GRIA4: variants seen among roughly 807,000 people sequenced by gnomAD.
GRIA4 encodes the protein glutamate ionotropic receptor AMPA type subunit 4, also known as glutamate receptor 4.
In GRIA4, 34 loss-of-function variants were observed where a neutral mutation model predicts 104.0. The observed-to-expected ratio is 0.33, with a 90% CI of 0.25 to 0.44. The LOEUF (loss-of-function observed/expected upper bound fraction) is 0.44, where lower values mean the gene tolerates loss of function less well. GRIA4 is among the 20% of genes least tolerant of loss of function. The pLI is 1.00. For synonymous variants in GRIA4, 386 were observed against 381.9 expected, an observed-to-expected ratio of 1.01 and a Z score of -0.13; for missense variants, 750 against 1,096.5, an observed-to-expected ratio of 0.68 and a Z score of 4.46.
chr11:105,743,803 A>G (rs1487369269), intron 3 of GRIA4, among the ~76,000 whole-genome samples: 1 of 152,142 alleles, frequency 6.6e-6, no homozygotes, highest in Non-Finnish European at 1.5e-5. Flanking sequence ...TTCATTCAAG[A>G]TACAAACAAG....
intron 4 of GRIA4, among the ~76,000 whole-genome samples, chr11:105,812,246 C>A (rs930172781): frequency 1.3e-5 from 2 of 152,194 alleles, no homozygotes; most frequent in African/African-American, 4.8e-5. Context: ...TTCTCAATTT[C>A]TACCTGTGTG....
At chr11:105,901,629 C>T (rs1014953551) in intron 7 of GRIA4, among the ~76,000 whole-genome samples, 2 of 152,022 alleles carry the variant, frequency 1.3e-5, no homozygotes, top group Admixed American at 6.5e-5. Context: ...TTTTTCTTTC[C>T]GTCTATCAGC....
At chr11:105,664,936 C>A (rs1490698794) in intron 3 of GRIA4, among the ~76,000 whole-genome samples, 1 of 151,786 alleles carries the variant, frequency 6.6e-6, no homozygotes, top group Non-Finnish European at 1.5e-5. Context: ...AAAGAATAAG[C>A]AATTATAAGA....
At chr11:105,620,498 A>C (rs1950714615) in intron 3 of GRIA4, among the ~76,000 whole-genome samples, 1 of 151,814 alleles carries the variant, frequency 6.6e-6, no homozygotes, top group African/African-American at 2.4e-5. Flanking sequence ...TATTGACAAA[A>C]TACCCAACAT....
At position 105,924,602 on chromosome 11, in the gene GRIA4, G is replaced by T. The variant is rs989600672; in HGVS notation, c.1680G>T (p.Val560=). 3.1e-6 allele frequency: 5 copies of T among 1,612,676 alleles called. No homozygotes were observed. The highest frequency in any genetic ancestry group is 4.2e-6 in the Non-Finnish European group (5 of 1,179,162). The change falls in exon 12 of 17, where the codon GTG becomes GTT. Residue 560 remains valine, a synonymous_variant. Transcript: ENST00000282499. The part of the protein sequence containing the change: ...CIVFAYIGVS[V]VLFLVSRFSP... ...TCTTTGCCTACATTGGTGTCAGCGT[G>T]GTCTTATTCCTAGTTAGTAGATTTA...
At chr11:105,887,378 G>GTAC in intron 5 of GRIA4, 141 bp from the exon 6 acceptor site, 1 of 486,658 alleles carries the variant, frequency 2.1e-6, no homozygotes. Flanking sequence ...TCTAACTATA[G>GTAC]TACGTGACTT....
intron 4 of GRIA4, among the ~76,000 whole-genome samples, chr11:105,813,524 C>T (rs1046407282): frequency 1.3e-5 from 2 of 152,100 alleles, no homozygotes; most frequent in Non-Finnish European, 2.9e-5. Flanking sequence ...GGTGTTGGGA[C>T]ACTATTGCGT....
Position 105,748,095 on chromosome 11 carries a change from T to G in GRIA4, c.248-4886T>G, listed in dbSNP as rs185225113. Reference sequence around the variant, plus strand: ...AATGGCTTAGAATAACAGTGATTTCTTCTGCTCATGATTTTACATTTGGGG... The same window carrying G: ...AATGGCTTAGAATAACAGTGATTTCGTCTGCTCATGATTTTACATTTGGGG... On this transcript the variant is annotated intron_variant, in intron 3 of 16. Transcript: ENST00000282499. Among the ~76,000 whole-genome samples the G allele has an allele frequency of 7.2e-5, 11 of 152,368 alleles. No homozygotes were observed. The East Asian group carries it at 2.1e-3, about 29-fold the overall frequency.
At chr11:105,758,020 G>A (rs781634575) in intron 4 of GRIA4, among the ~76,000 whole-genome samples, 15 of 152,092 alleles carry the variant, frequency 9.9e-5, no homozygotes, top group Non-Finnish European at 1.9e-4. Context: ...GAAGTGGGAG[G>A]ATCACTCAAG....
intron 14 of GRIA4, among the ~76,000 whole-genome samples, chr11:105,966,328 C>T (rs1471449685): frequency 6.6e-6 from 1 of 152,152 alleles, no homozygotes. Context: ...CTATGAATCT[C>T]AATTTTGGAA....
In GRIA4 at chr11:105,635,668, G is replaced by A. The variant is rs568388244; in HGVS notation, c.247+23234G>A. 2.1e-3 allele frequency among the ~76,000 whole-genome samples: 320 copies of A among 152,200 alleles called. 1 individual carries two copies. The highest frequency in any genetic ancestry group is 7.0e-3 in the African/African-American group (290 of 41,510). On this transcript the variant is annotated intron_variant, in intron 3 of 16. Transcript: ENST00000282499. ...CCCGAGCTGTGGCCTCAGTCCATGC[G>A]GAGCTTCCACCTCTGAGCATCCCAA...
intron 14 of GRIA4, among the ~76,000 whole-genome samples, chr11:105,944,546 T>C (rs541073278): frequency 1.3e-5 from 2 of 151,386 alleles, no homozygotes; most frequent in South Asian, 4.2e-4. Flanking sequence ...ATAAAGTAAT[T>C]CAAATAAGAA....
intron 4 of GRIA4, among the ~76,000 whole-genome samples, chr11:105,861,596 G>C (rs1316129370): frequency 2.0e-5 from 3 of 151,826 alleles, no homozygotes; most frequent in Non-Finnish European, 4.4e-5. Flanking sequence ...TTCCATAGTT[G>C]AACCAAAAAT....
At chr11:105,874,993 G>A (rs1591380791) in intron 5 of GRIA4, among the ~76,000 whole-genome samples, 1 of 152,182 alleles carries the variant, frequency 6.6e-6, no homozygotes, top group East Asian at 1.9e-4. Flanking sequence ...TGTTTTGCCA[G>A]TTTTCAAAGG....
At position 105,678,487 on chromosome 11, in the gene GRIA4, A is replaced by G. The variant is rs79770626; in HGVS notation, c.247+66053A>G. On this transcript the variant is annotated intron_variant, in intron 3 of 16. Transcript: ENST00000282499. The stretch of plus-strand genomic sequence containing the variant: ...GCTTTTCTATTTCAATTTTCTATTC[A>G]TAAGTGTTACCTCATGAATGAAATA... 7.9e-3 allele frequency among the ~76,000 whole-genome samples: 1,196 copies of G among 152,160 alleles called. 17 individuals are homozygous for G. The highest frequency in any genetic ancestry group is 0.046 in the East Asian group (240 of 5,172).
At chr11:105,873,099 A>G (rs1026925474) in intron 5 of GRIA4, among the ~76,000 whole-genome samples, 1 of 151,898 alleles carries the variant, frequency 6.6e-6, no homozygotes, top group East Asian at 1.9e-4. Flanking sequence ...GACAGGCCCC[A>G]GTGTGTGATG....
chr11:105,954,017 T>A (rs999084892), intron 14 of GRIA4, among the ~76,000 whole-genome samples: 13 of 152,194 alleles, frequency 8.5e-5, no homozygotes, highest in Admixed American at 2.6e-4. Context: ...TATATAAATA[T>A]GTGTGAAACA....
chr11:105,686,719 T>C (rs1465511490), intron 3 of GRIA4, among the ~76,000 whole-genome samples: 1 of 152,188 alleles, frequency 6.6e-6, no homozygotes, highest in Non-Finnish European at 1.5e-5. Context: ...CTTCTCTCTG[T>C]AGCCTCATCA....
chr11:105,850,377 T>A (rs1944760963), intron 4 of GRIA4, among the ~76,000 whole-genome samples: 1 of 152,228 alleles, frequency 6.6e-6, no homozygotes, highest in South Asian at 2.1e-4. Flanking sequence ...AAAGTTATTC[T>A]ATACCATAAT....
Sources: gnomAD v4.1 joint callset for allele counts (sites outside exome capture counted in the v4.1 genomes callset) on GRCh38, gnomAD v4.1.1 for gene constraint, MANE v1.5 for transcripts, NCBI Gene and HGNC (gene_info 2026-07-23, HGNC 2026-07-21) for gene names.